Variants in EFTUD2 observed in about 807,000 individuals in gnomAD.
EFTUD2 encodes 116 kDa U5 small nuclear ribonucleoprotein component.
EFTUD2 carries 9 observed loss-of-function variants against 114.3 expected under a neutral mutation model. That is an observed-to-expected ratio of 0.08 (90% CI 0.05 to 0.14). EFTUD2 has a LOEUF of 0.14. Ranked by LOEUF, EFTUD2 falls within the 10% of genes least tolerant of loss-of-function variation. EFTUD2 has a pLI of 1.00. For missense variants in EFTUD2, 765 were observed against 1,241.2 expected, an observed-to-expected ratio of 0.62 and a Z score of 5.76; for synonymous variants, 449 against 462.3, an observed-to-expected ratio of 0.97 and a Z score of 0.37.
At chr17:44,859,573 C>A (rs2050618330) in intron 18 of EFTUD2, 4 of 501,638 alleles carry the variant, frequency 8.0e-6, no homozygotes, top group South Asian at 7.4e-5. Flanking sequence ...TCGAGAAAAT[C>A]AATTCAAAGT....
At chr17:44,859,853 C>T in intron 18 of EFTUD2, 52 bp downstream of exon 18, 1 of 1,611,734 alleles carries the variant, frequency 6.2e-7, no homozygotes, top group East Asian at 2.2e-5. Context: ...CAGCTCTGCC[C>T]ATTCAGCTGG....
intron 2 of EFTUD2, among the ~76,000 whole-genome samples, chr17:44,889,337 C>T (rs1335726013): frequency 6.6e-6 from 1 of 152,038 alleles, no homozygotes; most frequent in African/African-American, 2.4e-5. Context: ...ACCATGACCA[C>T]CTAATTCGGG....
At chr17:44,870,849 C>T (rs1429267594) in intron 11 of EFTUD2, among the ~76,000 whole-genome samples, 1 of 151,980 alleles carries the variant, frequency 6.6e-6, no homozygotes, top group Non-Finnish European at 1.5e-5. Flanking sequence ...GAAACCCCAT[C>T]TCTACTAAAA....
chr17:44,895,229 C>T (rs774482899), intron 1 of EFTUD2, among the ~76,000 whole-genome samples: 3 of 152,260 alleles, frequency 2.0e-5, no homozygotes, highest in Non-Finnish European at 2.9e-5. Flanking sequence ...GGCGCGGTGG[C>T]GCATGCCTGT....
At chr17:44,871,300 C>T (rs1271245828) in intron 11 of EFTUD2, among the ~76,000 whole-genome samples, 1 of 151,826 alleles carries the variant, frequency 6.6e-6, no homozygotes, top group Non-Finnish European at 1.5e-5. Context: ...CCTGGGATTA[C>T]AGGCGTGAGC....
chr17:44,866,397 A>G (rs1253067454), intron 13 of EFTUD2, among the ~76,000 whole-genome samples: 2 of 150,052 alleles, frequency 1.3e-5, no homozygotes, highest in Non-Finnish European at 3.0e-5. Flanking sequence ...AGTGCACACC[A>G]CCAGTCCCAG....
At chr17:44,884,380 G>A (rs936933191) in intron 4 of EFTUD2, 6 of 152,064 alleles carry the variant, frequency 3.9e-5, no homozygotes, top group Non-Finnish European at 7.3e-5. Flanking sequence ...TTAGCTGAAC[G>A]TGGTGACATG....
Position 44,853,563 on chromosome 17 carries a change from T to C in EFTUD2, c.2420A>G (p.Gln807Arg). 6.2e-7 allele frequency: 1 copy of C among 1,614,184 alleles called. No homozygotes were observed. The highest frequency in any genetic ancestry group is 8.5e-7 in the Non-Finnish European group (1 of 1,180,020). Residue 807 changes from glutamine (Q) to arginine (R), a missense_variant, in exon 24 of 28, where the codon CAG (glutamine) becomes CGG (arginine). Coordinates refer to ENST00000426333, the MANE Select transcript of EFTUD2 (RefSeq NM_004247.4). ...AQEPLHRGGGQIIPTARRVVY... is the reference protein window; with the variant it reads ...AQEPLHRGGGRIIPTARRVVY... ...GACTCTCCTGGCTGTGGGGATGATC[T>C]GGCCCCCGCCCCGGTGCAGGGGCTC...
rs1278849019 is a variant in EFTUD2 at position 44,850,069 on chromosome 17, T to G, written c.*1205A>C. ...TGTGTAACATGACAATAACCACCCC[T>G]GGCCTGCCTACCTTGCAGGCTGCTG... On this transcript the variant is annotated 3_prime_UTR_variant, in exon 28 of 28. Transcript: ENST00000426333. 7.7e-6 allele frequency: 3 copies of G among 388,266 alleles called. No homozygotes were observed. Among genetic ancestry groups the G allele is most frequent in the Non-Finnish European group, 1.4e-5 (3 of 208,888 alleles). The allele number at this position is 388,266 out of a possible 1,614,324, so 24.1% of individuals were successfully genotyped here.
intron 6 of EFTUD2, 191 bp from the exon 7 acceptor site, chr17:44,881,913 G>C (rs976535972): frequency 5.6e-5 from 32 of 571,880 alleles, no homozygotes; most frequent in African/African-American, 2.7e-4. Context: ...AATGCTCCTG[G>C]GTGTGTGGAG....
chr17:44,864,991 C>T lies in EFTUD2; in HGVS notation c.1224G>A (p.Leu408=). Residue 408 remains leucine, a synonymous_variant, in exon 14 of 28, where the codon CTG becomes CTA. Transcript: ENST00000426333. ...ELGIHLTKEE[L]KLNIRPLLRL... Reference sequence around the variant, plus strand: ...TGAGCAAGGGGCGGATGTTCAGCTTCAGCTCCTCCTTCGTCAGGTGGATGC... The same window carrying T: ...TGAGCAAGGGGCGGATGTTCAGCTTTAGCTCCTCCTTCGTCAGGTGGATGC... 7 of 1,614,198 alleles carry T rather than the reference C, an allele frequency of 4.3e-6. No individual in the cohort carries two copies. Among genetic ancestry groups the T allele is most frequent in the Non-Finnish European group, 5.1e-6 (6 of 1,180,050 alleles).
At chr17:44,856,399 G>T (rs2050554896) in intron 20 of EFTUD2, among the ~76,000 whole-genome samples, 1 of 151,872 alleles carries the variant, frequency 6.6e-6, no homozygotes, top group Admixed American at 6.6e-5. Flanking sequence ...GTGTGGTGGT[G>T]CGTGCATGTA....
intron 2 of EFTUD2, among the ~76,000 whole-genome samples, chr17:44,888,368 C>A (rs908955695): frequency 1.3e-5 from 2 of 152,144 alleles, no homozygotes; most frequent in Non-Finnish European, 2.9e-5. Flanking sequence ...AGAGTCCTCA[C>A]AGAAAGAATT....
Position 44,850,727 on chromosome 17 carries a change from A to C in EFTUD2, c.*547T>G. ...ATGGAGTGGGAGCAAGGGGGCAATA[A>C]TGGGGCCTTGGCGCTCATGGGAACA... On this transcript the variant is annotated 3_prime_UTR_variant, in exon 28 of 28. Transcript: ENST00000426333. The C allele has an allele frequency of 2.4e-5, 6 of 253,494 alleles. No individual in the cohort carries two copies. The highest frequency in any genetic ancestry group is 7.3e-5 in the East Asian group (1 of 13,630). The allele number at this position is 253,494 out of a possible 1,614,324, so 15.7% of individuals were successfully genotyped here.
Position 44,890,396 on chromosome 17 carries a change from T to TA in EFTUD2, c.106-3647dup, listed in dbSNP as rs111920175. ...CTACTGTTATATACCTCAATATAAT[T>TA]AAAAAAAAAAATCTGTCCAGGTGCG... On this transcript the variant is annotated intron_variant, in intron 2 of 27. Coordinates refer to ENST00000426333, the MANE Select transcript of EFTUD2 (RefSeq NM_004247.4). Among the ~76,000 whole-genome samples, 40 of 147,856 alleles carry TA rather than the reference T, an allele frequency of 2.7e-4. No individual in the cohort carries two copies. The East Asian group carries it at 2.8e-3, about 10-fold the overall frequency.
chr17:44,885,878 T>C (rs1597822751), intron 3 of EFTUD2, among the ~76,000 whole-genome samples: 1 of 151,992 alleles, frequency 6.6e-6, no homozygotes, highest in African/African-American at 2.4e-5. Context: ...ATCCTCCTGC[T>C]CTGGCCTCCC....
chr17:44,899,433 A>G lies in EFTUD2; in HGVS notation c.-69T>C, dbSNP rs2051472391. On this transcript the variant is annotated 5_prime_UTR_variant, in exon 1 of 28. Coordinates refer to ENST00000426333, the MANE Select transcript of EFTUD2 (RefSeq NM_004247.4). ...GAGATCGTGCTTCCGCCCCACGCCG[A>G]GGAAACGCCTGCGCCCGCCGCCAGG... 1 of 152,588 alleles carries G rather than the reference A, an allele frequency of 6.6e-6. No individual in the cohort carries two copies. The highest frequency in any genetic ancestry group is 2.1e-4 in the South Asian group (1 of 4,856). The allele number at this position is 152,588 out of a possible 1,614,324, so 9.5% of individuals were successfully genotyped here.
intron 19 of EFTUD2, among the ~76,000 whole-genome samples, 185 bp downstream of exon 19, chr17:44,858,895 A>C (rs1340036686): frequency 6.6e-6 from 1 of 152,038 alleles, no homozygotes; most frequent in Non-Finnish European, 1.5e-5. Flanking sequence ...TTGATTTTAA[A>C]CGTATGACAC....
chr17:44,871,022 AAAAAAG>A (rs892708860), intron 11 of EFTUD2, among the ~76,000 whole-genome samples: 178 of 152,140 alleles, frequency 1.2e-3, no homozygotes, highest in African/African-American at 4.1e-3. Context: ...TGTCTCAAAA[AAAAAAG>A]AAAAAGAACC....
Sources: gnomAD v4.1 joint callset for allele counts (sites outside exome capture counted in the v4.1 genomes callset) on GRCh38, gnomAD v4.1.1 for gene constraint, MANE v1.5 for transcripts, NCBI Gene and HGNC (gene_info 2026-07-23, HGNC 2026-07-21) for gene names.